The following NOTCH2NLB variants were observed in gnomAD, a reference collection of about 807,000 sequenced individuals.
NOTCH2NLB encodes the protein notch 2 N-terminal like B.
Under a neutral mutation model 14.8 loss-of-function variants are expected in NOTCH2NLB, and 1 was observed. The observed-to-expected ratio is 0.07, with a 90% CI of 0.02 to 0.32. NOTCH2NLB has a LOEUF of 0.32. Among genes scored for constraint, NOTCH2NLB ranks in the 10% least tolerant of loss-of-function variants. NOTCH2NLB has a pLI of 1.00. For synonymous variants in NOTCH2NLB, 6 were observed against 57.5 expected (o/e 0.10, Z 4.05); for missense variants, 11 against 155.0 (o/e 0.07, Z 4.93).
At chr1:148,674,855 G>T (rs1664823555) in intron 1 of NOTCH2NLB, among the ~76,000 whole-genome samples, 1 of 147,678 alleles carries the variant, frequency 6.8e-6, no homozygotes, top group Non-Finnish European at 1.5e-5. Context: ...GGACTCTCTT[G>T]GTTCAAAAAA....
intron 2 of NOTCH2NLB, among the ~76,000 whole-genome samples, chr1:148,630,866 TGTCA>T (rs1664087136): frequency 8.3e-6 from 1 of 119,910 alleles, no homozygotes. Context: ...CTGCATTCAC[TGTCA>T]GACAGTCTCT....
intron 2 of NOTCH2NLB, among the ~76,000 whole-genome samples, chr1:148,616,386 G>GA (rs1663795862): frequency 1.3e-5 from 2 of 148,190 alleles, no homozygotes; most frequent in Non-Finnish European, 1.5e-5. Context: ...TATAATGCAT[G>GA]AACTTGACCC....
intron 1 of NOTCH2NLB, among the ~76,000 whole-genome samples, chr1:148,651,145 A>G (rs1482510407): frequency 2.0e-3 from 134 of 67,742 alleles, no homozygotes; most frequent in Middle Eastern, 0.011. Context: ...TCTGCCTGAG[A>G]AAAAAAAAAA....
At chr1:148,670,539 A>AATATAT (rs1156575606) in intron 1 of NOTCH2NLB, among the ~76,000 whole-genome samples, 4 of 93,456 alleles carry the variant, frequency 4.3e-5, no homozygotes, top group African/African-American at 1.7e-4. Context: ...TAAAAAAAAA[A>AATATAT]ATATATATAT....
intron 1 of NOTCH2NLB, among the ~76,000 whole-genome samples, chr1:148,670,573 T>TAA (rs1664756280): frequency 2.9e-5 from 4 of 138,310 alleles, no homozygotes; most frequent in East Asian, 2.3e-4. Context: ...TATATATATA[T>TAA]ATATAAATAA....
chr1:148,628,995 TA>T (rs1664047297), intron 2 of NOTCH2NLB, among the ~76,000 whole-genome samples: 1 of 78,776 alleles, frequency 1.3e-5, no homozygotes, highest in African/African-American at 7.5e-5. Context: ...CACAGATGCA[TA>T]AGAAAGCAAA....
chr1:148,634,338 C>T (rs1408989181), intron 2 of NOTCH2NLB, among the ~76,000 whole-genome samples: 11 of 149,816 alleles, frequency 7.3e-5, no homozygotes, highest in Non-Finnish European at 1.6e-4. Context: ...AGTAATTTAA[C>T]AGTTGATATT....
At chr1:148,608,363 G>C (rs1327170681) in intron 3 of NOTCH2NLB, among the ~76,000 whole-genome samples, 4 of 135,468 alleles carry the variant, frequency 3.0e-5, no homozygotes, top group East Asian at 2.0e-4. Flanking sequence ...CTCCAGCCTG[G>C]GCAACACAGC....
At chr1:148,703,516 GGCCTGCTATATTTAGGGAAAA>G in the NOTCH2NLB span, among the ~76,000 whole-genome samples, 178 of 25,252 alleles carry the variant, frequency 7.0e-3, no homozygotes, top group African/African-American at 0.02. Context: ...AGGATGAAAG[GGCCTGCTATATTTAGGGAAAA>G]GCCTGCTATA....
At position 148,660,617 on chromosome 1, in the gene NOTCH2NLB, CTATTA is replaced by C. The variant is rs1220733152; in HGVS notation, c.3+18840_3+18844del. Among the ~76,000 whole-genome samples, 3 of 128,072 alleles carry C rather than the reference CTATTA, an allele frequency of 2.3e-5. No homozygotes were observed. The East Asian group carries it at 6.6e-4, about 28-fold the overall frequency. The allele number at this position is 128,072 out of a possible 152,430, so 84.0% of individuals were successfully genotyped here. The stretch of plus-strand genomic sequence containing the variant: ...AATGTACATAGAAGTGTTTTGCAAA[CTATTA>C]TATATTATCTTCTCAACATGCAAAT... On this transcript the variant is annotated intron_variant, in intron 1 of 4. Transcript: ENST00000593495.
chr1:148,608,386 CAA>C (rs1361551091), intron 3 of NOTCH2NLB, among the ~76,000 whole-genome samples: 7 of 124,678 alleles, frequency 5.6e-5, no homozygotes, highest in Admixed American at 7.8e-5. Flanking sequence ...GACTCCATTT[CAA>C]AAAAAAAAAA....
intron 1 of NOTCH2NLB, among the ~76,000 whole-genome samples, chr1:148,645,726 A>G (rs1664353726): frequency 6.7e-6 from 1 of 150,360 alleles, no homozygotes; most frequent in African/African-American, 2.4e-5. Flanking sequence ...TCACCCAGAA[A>G]GCTTCCCCTG....
intron 3 of NOTCH2NLB, among the ~76,000 whole-genome samples, chr1:148,613,409 T>G (rs1663752390): frequency 6.6e-6 from 1 of 150,420 alleles, no homozygotes. Context: ...GTGAAGGTGT[T>G]GCCAAAGGAG....
intron 1 of NOTCH2NLB, among the ~76,000 whole-genome samples, chr1:148,651,160 A>ATATAT (rs1277364573): frequency 1.1e-3 from 50 of 46,498 alleles, no homozygotes; most frequent in South Asian, 3.5e-3. Flanking sequence ...AAAAAAAAAA[A>ATATAT]AAATATATAT....
At chr1:148,691,854 C>T in the NOTCH2NLB span, among the ~76,000 whole-genome samples, 1 of 100,330 alleles carries the variant, frequency 1.0e-5, no homozygotes, top group Non-Finnish European at 2.0e-5. Flanking sequence ...ACACCCCCCC[C>T]GCTCTTGCTC....
At chr1:148,651,146 A>C (rs1240147078) in intron 1 of NOTCH2NLB, among the ~76,000 whole-genome samples, 1 of 69,488 alleles carries the variant, frequency 1.4e-5, no homozygotes, top group Admixed American at 1.5e-4. Flanking sequence ...CTGCCTGAGA[A>C]AAAAAAAAAA....
rs1412975726 is a variant in NOTCH2NLB, at chr1:148,625,671, C to T, written c.78-9721G>A. The stretch of plus-strand genomic sequence containing the variant: ...CACTGGGCCTCTTGGCCCCCCAATC[C>T]GCAGTGGCAGCCTGCCCTAGCTGAG... On this transcript the variant is annotated intron_variant, in intron 2 of 4. Transcript: ENST00000593495. Among the ~76,000 whole-genome samples the T allele has an allele frequency of 3.4e-4, 41 of 118,844 alleles. 1 individual carries two copies. Among genetic ancestry groups the T allele is most frequent in the Middle Eastern group, 8.3e-3 (2 of 242 alleles). 78.0% of individuals were successfully genotyped at this position (118,844 alleles called of 152,430 possible).
rs1294618152 is a variant in NOTCH2NLB, at chr1:148,633,206, C to A, written c.77+6810G>T. ...TTATAGACTTTAACTTGCCAAAGAT[C>A]CAATTGTTAATAGGAATCAGGACTC... On this transcript the variant is annotated intron_variant, in intron 2 of 4. Transcript: ENST00000593495. Among the ~76,000 whole-genome samples the A allele has an allele frequency of 1.0e-4, 13 of 126,790 alleles. 2 individuals are homozygous for A. In the South Asian group the frequency reaches 1.1e-3, roughly 10 times the overall value. The allele number at this position is 126,790 out of a possible 152,430, so 83.2% of individuals were successfully genotyped here. A position where few individuals can be genotyped will look rare whatever the true frequency, so the allele number is the denominator to read the frequency against.
At chr1:148,603,936 A>AT (rs1663430573), downstream of NOTCH2NLB, among the ~76,000 whole-genome samples, 1 of 63,460 alleles carries the variant, frequency 1.6e-5, no homozygotes, top group South Asian at 6.5e-4. Context: ...TCACTAAGTT[A>AT]TGTGGCATTC....
Sources: gnomAD v4.1 joint callset for allele counts (sites outside exome capture counted in the v4.1 genomes callset) on GRCh38, gnomAD v4.1.1 for gene constraint, MANE v1.5 for transcripts, NCBI Gene and HGNC (gene_info 2026-07-23, HGNC 2026-07-21) for gene names.